IGDCC3: variants seen among roughly 807,000 people sequenced by gnomAD.
IGDCC3 encodes the protein immunoglobulin superfamily DCC subclass member 3.
A neutral mutation model predicts 72.0 loss-of-function variants in IGDCC3; 47 were observed. The ratio of observed to expected loss-of-function variants is 0.65; its 90% CI spans 0.52 to 0.83. The LOEUF (loss-of-function observed/expected upper bound fraction) is 0.83, where lower values mean the gene tolerates loss of function less well. IGDCC3 is among the 40% of genes least tolerant of loss of function. The pLI is 0.00. For missense variants in IGDCC3, 1,038 were observed against 1,091.3 expected (o/e 0.95, Z 0.69); for synonymous variants, 477 against 472.8 (o/e 1.01, Z -0.11).
chr15:65,355,009 C>T (rs1002396033), intron 2 of IGDCC3, among the ~76,000 whole-genome samples: 2 of 152,192 alleles, frequency 1.3e-5, no homozygotes, highest in Admixed American at 6.5e-5. Context: ...AGGACTGGGA[C>T]ACCCTGGCCT....
At chr15:65,352,157 T>C (rs1477326723) in intron 2 of IGDCC3, among the ~76,000 whole-genome samples, 2 of 152,228 alleles carry the variant, frequency 1.3e-5, no homozygotes, top group African/African-American at 4.8e-5. Flanking sequence ...GCTTAAAACG[T>C]TGCTGATCCT....
chr15:65,335,847 CT>C lies in IGDCC3; in HGVS notation c.518del (p.Glu173GlyfsTer77), dbSNP rs1269192253. On this transcript the variant is annotated frameshift_variant, in exon 3 of 14. Transcript: ENST00000327987. LOFTEE classifies it high-confidence loss of function. ...HGLPKPLITW[E>X]KNRVPIDTDN... ...CCGTGTCAATTGGGACTCTGTTCTT[CT>C]CCCAAGTGATCAGGGGTTTGGGAAG... The C allele has an allele frequency of 6.2e-7, 1 of 1,614,218 alleles. No homozygotes were observed. Among genetic ancestry groups the C allele is most frequent in the Admixed American group, 1.7e-5 (1 of 60,034 alleles).
chr15:65,370,779 C>T (rs1403421755), intron 2 of IGDCC3, among the ~76,000 whole-genome samples: 1 of 151,442 alleles, frequency 6.6e-6, no homozygotes, highest in Non-Finnish European at 1.5e-5. Flanking sequence ...ATTATTCCTC[C>T]CCCATGTTAT....
Position 65,330,396 on chromosome 15 carries a change from G to A in IGDCC3, c.1755C>T (p.Asp585=), listed in dbSNP as rs753361888. The A allele has an allele frequency of 3.1e-6, 5 of 1,611,618 alleles. No individual in the cohort carries two copies. The Admixed American group carries it at 6.7e-5, about 22-fold the overall frequency. ...TVSSYNLSQL[D]PTAVYEVKLL... is the part of the protein sequence containing the mutation. Reference sequence around the variant, plus strand: ...GCTTCACCTCATACACTGCAGTGGGGTCTGGAGGAAGGCAGGGCGGATGAG... The same window carrying A: ...GCTTCACCTCATACACTGCAGTGGGATCTGGAGGAAGGCAGGGCGGATGAG... Residue 585 remains aspartate (D), a splice_region_variant and synonymous_variant, in exon 11 of 14, where the codon GAC becomes GAT. Transcript: ENST00000327987.
intron 2 of IGDCC3, among the ~76,000 whole-genome samples, chr15:65,370,604 G>GTGTA (rs2091318414): frequency 3.8e-5 from 4 of 105,742 alleles, no homozygotes; most frequent in African/African-American, 1.4e-4. Flanking sequence ...ATATGTATGT[G>GTGTA]TATATATATG....
intron 6 of IGDCC3, among the ~76,000 whole-genome samples, 188 bp from the exon 7 acceptor site, chr15:65,332,294 C>G (rs978359596): frequency 1.2e-4 from 18 of 152,150 alleles, no homozygotes; most frequent in African/African-American, 4.3e-4. Flanking sequence ...GGAGATGGCC[C>G]ACCTCCCTCT....
Position 65,375,331 on chromosome 15 carries a change from T to C in IGDCC3, c.175A>G (p.Ile59Val), listed in dbSNP as rs1298079567. 1.2e-6 allele frequency: 2 copies of C among 1,612,962 alleles called. No homozygotes were observed. The highest frequency in any genetic ancestry group is 2.2e-5 in the South Asian group (2 of 91,038). ...SDDVAVPGQP[I>V]VLDCRVEGTP... ...CCCTCCACCCTGCAGTCCAGCACTA[T>C]AGGCTGCCCGGGGACGGCAACATCA... is the stretch of plus-strand genomic sequence containing the variant. The change falls in exon 2 of 14, where the codon ATA (isoleucine) becomes GTA (valine). Residue 59 changes from isoleucine (I) to valine (V), a missense_variant. Transcript: ENST00000327987.
At position 65,365,175 on chromosome 15, in the gene IGDCC3, G is replaced by A. The variant is rs547234144; in HGVS notation, c.409+9922C>T. On this transcript the variant is annotated intron_variant, in intron 2 of 13. Coordinates refer to ENST00000327987, the MANE Select transcript of IGDCC3 (RefSeq NM_004884.4). ...GAAGCTCTAATCCTACCAGGAGACC[G>A]GGAAGACCCCTAAGGACCTAAGGGG... Among the ~76,000 whole-genome samples, 66 of 152,212 alleles carry A rather than the reference G, an allele frequency of 4.3e-4. 1 individual carries two copies. Among genetic ancestry groups the A allele is most frequent in the East Asian group, 2.1e-3 (11 of 5,182 alleles).
At chr15:65,368,160 TCA>T (rs57451250) in intron 2 of IGDCC3, among the ~76,000 whole-genome samples, 22,430 of 146,114 alleles carry the variant, frequency 0.15, 2,211 homozygotes, top group East Asian at 0.53. Context: ...TCTCTTTCAC[TCA>T]CACACACACA....
In IGDCC3 at chr15:65,327,258, G is replaced by C. The variant is rs1403685973; in HGVS notation, c.*1651C>G. The C allele has an allele frequency of 6.6e-6, 1 of 152,660 alleles. No individual in the cohort carries two copies. The highest frequency in any genetic ancestry group is 1.5e-5 in the Non-Finnish European group (1 of 68,062). The allele number at this position is 152,660 out of a possible 1,614,324, so 9.5% of individuals were successfully genotyped here. A position where few individuals can be genotyped will look rare whatever the true frequency, so the allele number is the denominator to read the frequency against. ...TCCCAAGGGAGAGGGAGGCTCCCGAGAGAAGCTGCTTTGGGAACAGAGGGG... is the reference window on the plus strand; with the variant it reads ...TCCCAAGGGAGAGGGAGGCTCCCGACAGAAGCTGCTTTGGGAACAGAGGGG... On this transcript the variant is annotated 3_prime_UTR_variant, in exon 14 of 14. Coordinates refer to ENST00000327987, the MANE Select transcript of IGDCC3 (RefSeq NM_004884.4).
Position 65,332,009 on chromosome 15 carries a change from A to G in IGDCC3, c.1080T>C (p.His360=). The G allele has an allele frequency of 6.8e-6, 11 of 1,614,178 alleles. No homozygotes were observed. The highest frequency in any genetic ancestry group is 1.3e-5 in the African/African-American group (1 of 75,066). The change falls in exon 7 of 14, where the codon CAT becomes CAC. Residue 360 remains histidine (H), a synonymous_variant. Transcript: ENST00000327987. ...CCTGTCCATTTTTCAGCCACGTGAC[A>G]TGAGGCGGTGGCTCACCCTGGGCTT... ...TCQAQGEPPP[H]VTWLKNGQVL... is the part of the protein sequence containing the mutation.
At chr15:65,330,427 G>A in intron 10 of IGDCC3, 30 bp from the exon 11 acceptor site, 3 of 1,590,026 alleles carry the variant, frequency 1.9e-6, no homozygotes, top group Non-Finnish European at 2.6e-6. Flanking sequence ...ATGAGCAACT[G>A]CCCCTGCCCA....
Position 65,332,125 on chromosome 15 carries a change from G to A in IGDCC3, c.983-19C>T, listed in dbSNP as rs2090983792. On this transcript the variant is annotated intron_variant, in intron 6 of 13. Transcript: ENST00000327987. ...GCTGGGGCTGCGAGTAGAGTCAGGA[G>A]GGTGGGGGCGCAGACAGACACAGCT... The A allele has an allele frequency of 1.9e-6, 3 of 1,607,574 alleles. No individual in the cohort carries two copies. The South Asian group carries it at 3.3e-5, about 18-fold the overall frequency.
chr15:65,377,764 G>T lies in IGDCC3; in HGVS notation c.25C>A (p.Pro9Thr), dbSNP rs2091368974. 2.3e-6 allele frequency: 3 copies of T among 1,302,394 alleles called. No individual in the cohort carries two copies. Among genetic ancestry groups the T allele is most frequent in the African/African-American group, 1.6e-5 (1 of 64,356 alleles). 80.7% of individuals were successfully genotyped at this position (1,302,394 alleles called of 1,614,324 possible). Residue 9 changes from proline (P) to threonine (T), a missense_variant, in exon 1 of 14, where the codon CCG (proline) becomes ACG (threonine). Pro to Thr is a conservative substitution (Grantham distance 38, BLOSUM62 -1). Transcript: ENST00000327987. This position sits in a 1 kb window ranked among gnomAD's most constrained non-coding sequence, Gnocchi z 4.9. MAVQRAAS[P>T]RRPPAPLWPR... ...CAGAGCGGGGCGGGCGGGCGGCGCG[G>T]AGACGCGGCGCGCTGCACAGCCATG...
intron 2 of IGDCC3, among the ~76,000 whole-genome samples, chr15:65,359,295 T>TCATTATGGTTATAATGA (rs1448877537): frequency 6.6e-6 from 1 of 152,218 alleles, no homozygotes; most frequent in African/African-American, 2.4e-5. Flanking sequence ...TGCTTTGTTG[T>TCATTATGGTTATAATGA]CATTATGGTT....
At position 65,329,631 on chromosome 15, in the gene IGDCC3, G is replaced by A; in HGVS notation, c.1998-34C>T. 1.2e-6 allele frequency: 2 copies of A among 1,611,782 alleles called. No individual in the cohort carries two copies. The highest frequency in any genetic ancestry group is 1.7e-6 in the Non-Finnish European group (2 of 1,178,356). ...TAGCCAAGAGTTGGGGGGAGGGAGA[G>A]AGAAAAGAGACAGAGGCAGTGAGCC... On this transcript the variant is annotated intron_variant, in intron 12 of 13. Transcript: ENST00000327987. The surrounding 1 kb of genome is among the most constrained non-coding windows in gnomAD (Gnocchi z 4.1).
chr15:65,355,743 TGA>T (rs1342259752), intron 2 of IGDCC3: 3 of 442,730 alleles, frequency 6.8e-6, no homozygotes, highest in Non-Finnish European at 1.3e-5. Context: ...CGCGGGTGAA[TGA>T]GAGAATCCGG....
rs541216285 is a variant in IGDCC3, at chr15:65,329,321, G to C, written c.2205+69C>G. The C allele has an allele frequency of 6.7e-6, 10 of 1,500,420 alleles. No individual in the cohort carries two copies. The East Asian group carries it at 2.3e-4, about 34-fold the overall frequency. 92.9% of individuals were successfully genotyped at this position (1,500,420 alleles called of 1,614,324 possible). A position where few individuals can be genotyped will look rare whatever the true frequency, so the allele number is the denominator to read the frequency against. On this transcript the variant is annotated intron_variant, in intron 13 of 13. Coordinates refer to ENST00000327987, the MANE Select transcript of IGDCC3 (RefSeq NM_004884.4). The surrounding 1 kb of genome is among the most constrained non-coding windows in gnomAD (Gnocchi z 4.1). ...ATCGAGGCCCGTGGCCAAGGTGAAGGGGGGCAGGATTGGAAGGTGGCAGTG... is the reference window on the plus strand; with the variant it reads ...ATCGAGGCCCGTGGCCAAGGTGAAGCGGGGCAGGATTGGAAGGTGGCAGTG...
In IGDCC3 at chr15:65,352,929, C is replaced by T. The variant is rs566872130; in HGVS notation, c.410-16973G>A. Among the ~76,000 whole-genome samples the T allele has an allele frequency of 2.0e-5, 3 of 152,286 alleles. No individual in the cohort carries two copies. In the East Asian group the frequency reaches 5.8e-4, roughly 29 times the overall value. On this transcript the variant is annotated intron_variant, in intron 2 of 13. Coordinates refer to ENST00000327987, the MANE Select transcript of IGDCC3 (RefSeq NM_004884.4). The stretch of plus-strand genomic sequence containing the variant: ...GTTTCTGCAATTTAGGCTAACTCTG[C>T]TTATTCCTGTGAACCAACCAGTAAT...
Sources: gnomAD v4.1 joint callset for allele counts (sites outside exome capture counted in the v4.1 genomes callset) on GRCh38, gnomAD v4.1.1 for gene constraint, Gnocchi (gnomAD v3.1) non-coding constraint, MANE v1.5 for transcripts, NCBI Gene and HGNC (gene_info 2026-07-23, HGNC 2026-07-21) for gene names.